The following KIRREL1 variants were observed in gnomAD, a reference collection of about 807,000 sequenced individuals.
KIRREL1 encodes kin of IRRE-like protein 1.
Under a neutral mutation model 83.3 loss-of-function variants are expected in KIRREL1, and 25 were observed. The observed-to-expected ratio is 0.30, with a 90% CI of 0.22 to 0.42. The LOEUF (loss-of-function observed/expected upper bound fraction) is 0.42, where lower values mean the gene tolerates loss of function less well. Ranked by LOEUF, KIRREL1 falls within the 10% of genes least tolerant of loss-of-function variation. KIRREL1 has a pLI of 1.00. For synonymous variants in KIRREL1, 388 were observed against 410.4 expected (o/e 0.95, Z 0.66); for missense variants, 812 against 1,032.3 (o/e 0.79, Z 2.92).
intron 1 of KIRREL1, among the ~76,000 whole-genome samples, chr1:158,042,451 C>G (rs181175130): frequency 6.6e-6 from 1 of 152,240 alleles, no homozygotes; most frequent in East Asian, 1.9e-4. Context: ...TATGCTATTA[C>G]CTCATTCTCT....
chr1:158,061,524 C>T (rs929784390), intron 1 of KIRREL1, among the ~76,000 whole-genome samples: 5 of 152,182 alleles, frequency 3.3e-5, no homozygotes, highest in Non-Finnish European at 7.3e-5. Context: ...GTGGGGTATC[C>T]TCTTTGCCAC....
At position 158,096,989 on chromosome 1, in the gene KIRREL1, C is replaced by T. The variant is rs907091049; in HGVS notation, c.*1869C>T. 4.4e-6 allele frequency: 2 copies of T among 456,766 alleles called. No individual in the cohort carries two copies. The highest frequency in any genetic ancestry group is 4.0e-5 in the African/African-American group (2 of 50,102). 28.3% of individuals were successfully genotyped at this position (456,766 alleles called of 1,614,324 possible). A position where few individuals can be genotyped will look rare whatever the true frequency, so the allele number is the denominator to read the frequency against. On this transcript the variant is annotated 3_prime_UTR_variant, in exon 15 of 15. Transcript: ENST00000359209. ...GGGGGGCGACATTCCTGGCCAACCC[C>T]TTGTAGGAAGGACCAGATAATACCC... is the stretch of plus-strand genomic sequence containing the variant.
intron 1 of KIRREL1, among the ~76,000 whole-genome samples, chr1:158,016,439 C>T (rs1377666986): frequency 6.6e-6 from 1 of 152,124 alleles, no homozygotes; most frequent in Non-Finnish European, 1.5e-5. Flanking sequence ...AGATCAAAGG[C>T]CAGCAGTTAA....
rs146038517 is a variant in KIRREL1 at position 158,004,958 on chromosome 1, T to A, written c.52+11230T>A. 2.0e-4 allele frequency among the ~76,000 whole-genome samples: 30 copies of A among 152,192 alleles called. No homozygotes were observed. In the South Asian group the frequency reaches 2.9e-3, roughly 15 times the overall value. ...GACTCTGTCTCAAAAATAAATAAAT[T>A]AATTTTAAAAACCCCTTTCTTTCCA... On this transcript the variant is annotated intron_variant, in intron 1 of 14. Coordinates refer to ENST00000359209, the MANE Select transcript of KIRREL1 (RefSeq NM_018240.7).
intron 1 of KIRREL1, among the ~76,000 whole-genome samples, chr1:158,012,066 A>G (rs537577142): frequency 6.0e-5 from 9 of 151,166 alleles, no homozygotes; most frequent in African/African-American, 2.2e-4. Flanking sequence ...TCTGTTTTTC[A>G]TAGTGTATCT....
intron 1 of KIRREL1, among the ~76,000 whole-genome samples, chr1:158,070,163 G>C (rs2101617537): frequency 6.6e-6 from 1 of 152,304 alleles, no homozygotes; most frequent in East Asian, 1.9e-4. Context: ...AGATGGGAGT[G>C]TAAGCTGTAG....
In KIRREL1 at chr1:158,097,789, C is replaced by T. The variant is rs2101653885; in HGVS notation, c.*2669C>T. On this transcript the variant is annotated 3_prime_UTR_variant, in exon 15 of 15. Transcript: ENST00000359209. ...CCTCAGTAGTTGGTGATCCTGATCA[C>T]CTTTGGTGGCTTGTTTTAGTGGAAA... is the stretch of plus-strand genomic sequence containing the variant. 6.6e-6 allele frequency: 1 copy of T among 152,334 alleles called. No homozygotes were observed. Among genetic ancestry groups the T allele is most frequent in the African/African-American group, 2.4e-5 (1 of 41,546 alleles). 9.4% of individuals were successfully genotyped at this position (152,334 alleles called of 1,614,324 possible).
chr1:158,015,027 T>A (rs1487824916), intron 1 of KIRREL1, among the ~76,000 whole-genome samples: 1 of 152,226 alleles, frequency 6.6e-6, no homozygotes, highest in Middle Eastern at 3.2e-3. Flanking sequence ...AAGCTGATAC[T>A]TTGGGGGTTA....
At position 158,096,457 on chromosome 1, in the gene KIRREL1, C is replaced by T. The variant is rs963878078; in HGVS notation, c.*1337C>T. Reference sequence around the variant, plus strand: ...CTTTGGATGACCGACCCTATGTGGGCGGTTGTGTGGGGAGTGGGTACTTGT... The same window carrying T: ...CTTTGGATGACCGACCCTATGTGGGTGGTTGTGTGGGGAGTGGGTACTTGT... On this transcript the variant is annotated 3_prime_UTR_variant, in exon 15 of 15. Coordinates refer to ENST00000359209, the MANE Select transcript of KIRREL1 (RefSeq NM_018240.7). The T allele has an allele frequency of 1.3e-5, 5 of 390,198 alleles. No homozygotes were observed. The highest frequency in any genetic ancestry group is 2.8e-5 in the Admixed American group (1 of 35,400). The allele number at this position is 390,198 out of a possible 1,614,324, so 24.2% of individuals were successfully genotyped here. A position where few individuals can be genotyped will look rare whatever the true frequency, so the allele number is the denominator to read the frequency against.
chr1:158,071,262 C>T (rs879935811), intron 1 of KIRREL1, among the ~76,000 whole-genome samples: 9 of 152,346 alleles, frequency 5.9e-5, no homozygotes, highest in African/African-American at 9.6e-5. Flanking sequence ...TTTCCCTCCT[C>T]GCTCTCCCTC....
chr1:158,066,151 T>C (rs1661352521), intron 1 of KIRREL1, among the ~76,000 whole-genome samples: 1 of 152,122 alleles, frequency 6.6e-6, no homozygotes, highest in Non-Finnish European at 1.5e-5. Flanking sequence ...GTGAGGCTAG[T>C]GCCAAAGCCA....
chr1:158,091,531 A>C lies in KIRREL1; in HGVS notation c.1446A>C (p.Thr482=), dbSNP rs191697779. The change falls in exon 11 of 15, where the codon ACA becomes ACC. Residue 482 remains threonine, a synonymous_variant. Transcript: ENST00000359209. The stretch of plus-strand genomic sequence containing the variant: ...CCTGGAACAGCTTCGGGCCAGGCAC[A>C]GCCATCATCCAGCTGGAAGAGCGAG... The part of the protein sequence containing the change: ...CTAWNSFGPG[T]AIIQLEEREV... 8 of 1,614,258 alleles carry C rather than the reference A, an allele frequency of 5.0e-6. No homozygotes were observed. The Admixed American group carries it at 1.3e-4, about 27-fold the overall frequency.
intron 1 of KIRREL1, among the ~76,000 whole-genome samples, chr1:158,028,562 G>A (rs1351036798): frequency 6.8e-6 from 1 of 148,072 alleles, no homozygotes; most frequent in Non-Finnish European, 1.5e-5. Flanking sequence ...AAGGCATAGG[G>A]GCCATAGTTT....
At chr1:158,072,645 ACAAAGGC>A (rs1335627397) in intron 1 of KIRREL1, among the ~76,000 whole-genome samples, 16 of 152,070 alleles carry the variant, frequency 1.1e-4, no homozygotes. Context: ...TGAAGAGGTG[ACAAAGGC>A]CTCCTCTCAG....
At chr1:158,071,016 G>A (rs2101618444) in intron 1 of KIRREL1, among the ~76,000 whole-genome samples, 1 of 152,208 alleles carries the variant, frequency 6.6e-6, no homozygotes, top group South Asian at 2.1e-4. Flanking sequence ...GGCAGGAGAT[G>A]GGGTGCTGCC....
chr1:158,043,641 G>A (rs1166929282), intron 1 of KIRREL1, among the ~76,000 whole-genome samples: 1 of 152,190 alleles, frequency 6.6e-6, no homozygotes, highest in Non-Finnish European at 1.5e-5. Context: ...CCTAGGCTGG[G>A]TACCCCATTA....
chr1:158,091,433 A>G lies in KIRREL1; in HGVS notation c.1348A>G (p.Ser450Gly). The change falls in exon 11 of 15, where the codon AGT (serine) becomes GGT (glycine). Residue 450 changes from serine (S) to glycine (G), a missense_variant. Physicochemically the swap from Ser to Gly is moderately conservative, Grantham distance 56. Around this residue, in one of 3 missense-constraint regions of KIRREL1, gnomAD observed 472 missense variants for 626.8 expected, o/e 0.75. Transcript: ENST00000359209. Reference sequence around the variant, plus strand: ...TACAGTGGAGAGGACCAACTCAGGCAGTGGGGTGCTATCCACGCTCACCAT... The same window carrying G: ...TACAGTGGAGAGGACCAACTCAGGCGGTGGGGTGCTATCCACGCTCACCAT... The part of the protein sequence containing the change: ...RYTVERTNSG[S>G]GVLSTLTINN... 1 of 1,614,218 alleles carries G rather than the reference A, an allele frequency of 6.2e-7. No individual in the cohort carries two copies. Among genetic ancestry groups the G allele is most frequent in the Non-Finnish European group, 8.5e-7 (1 of 1,180,032 alleles).
chr1:158,095,179 T>G lies in KIRREL1; in HGVS notation c.*59T>G. The G allele has an allele frequency of 1.7e-6, 2 of 1,192,528 alleles. No homozygotes were observed. Among genetic ancestry groups the G allele is most frequent in the Non-Finnish European group, 1.2e-6 (1 of 847,888 alleles). 73.9% of individuals were successfully genotyped at this position (1,192,528 alleles called of 1,614,324 possible). A position where few individuals can be genotyped will look rare whatever the true frequency, so the allele number is the denominator to read the frequency against. On this transcript the variant is annotated 3_prime_UTR_variant, in exon 15 of 15. Coordinates refer to ENST00000359209, the MANE Select transcript of KIRREL1 (RefSeq NM_018240.7). ...CAGAGGAGAAGGCTTTCACAGCTGTTCCCTGATATTCAGGGGCATTGCTCA... is the reference window on the plus strand; with the variant it reads ...CAGAGGAGAAGGCTTTCACAGCTGTGCCCTGATATTCAGGGGCATTGCTCA...
At chr1:158,005,938 G>T (rs1399896003) in intron 1 of KIRREL1, among the ~76,000 whole-genome samples, 1 of 152,128 alleles carries the variant, frequency 6.6e-6, no homozygotes, top group Non-Finnish European at 1.5e-5. Flanking sequence ...GAGAAGCCTG[G>T]TCCTTATACT....
Sources: gnomAD v4.1 joint callset for allele counts (sites outside exome capture counted in the v4.1 genomes callset) on GRCh38, gnomAD v4.1.1 for gene constraint, gnomAD v4.1.1 regional missense constraint, MANE v1.5 for transcripts, NCBI Gene and HGNC (gene_info 2026-07-23, HGNC 2026-07-21) for gene names.